The following ANK2 variants were observed in gnomAD, a reference collection of about 807,000 sequenced individuals.
ANK2 encodes the protein ankyrin 2.
Under a neutral mutation model 360.5 loss-of-function variants are expected in ANK2, and 83 were observed. The observed-to-expected ratio is 0.23, with a 90% CI of 0.19 to 0.28. The LOEUF (loss-of-function observed/expected upper bound fraction) is 0.28, where lower values mean the gene tolerates loss of function less well. Among genes scored for constraint, ANK2 ranks in the 10% least tolerant of loss-of-function variants. The pLI is 1.00. For missense variants in ANK2, 4,201 were observed against 4,795.7 expected, an observed-to-expected ratio of 0.88 and a Z score of 3.66; for synonymous variants, 1,740 against 1,759.5, an observed-to-expected ratio of 0.99 and a Z score of 0.28.
intron 10 of ANK2, among the ~76,000 whole-genome samples, chr4:113,251,760 G>A (rs762019975): frequency 2.6e-5 from 4 of 151,862 alleles, no homozygotes; most frequent in Non-Finnish European, 5.9e-5. Context: ...GGGATTACAA[G>A]CATGAGCCAC....
At chr4:113,308,823 T>C (rs2078476138) in intron 23 of ANK2, among the ~76,000 whole-genome samples, 1 of 152,082 alleles carries the variant, frequency 6.6e-6, no homozygotes, top group Admixed American at 6.5e-5. Context: ...ATAGAATCTG[T>C]AACAGAGGAG....
intron 1 of ANK2, among the ~76,000 whole-genome samples, chr4:113,101,191 G>T (rs370970707): frequency 6.6e-6 from 1 of 151,986 alleles, no homozygotes; most frequent in African/African-American, 2.4e-5. Flanking sequence ...ACATTTTTCC[G>T]AATTATAGAG....
intron 2 of ANK2, among the ~76,000 whole-genome samples, chr4:113,008,879 G>A (rs2053797647): frequency 6.6e-6 from 1 of 152,002 alleles, no homozygotes; most frequent in South Asian, 2.1e-4. Context: ...TGTTCATTGG[G>A]GAAAAGGGCT....
intron 4 of ANK2, among the ~76,000 whole-genome samples, chr4:113,228,468 T>C (rs1034941727): frequency 2.6e-5 from 4 of 152,228 alleles, no homozygotes; most frequent in African/African-American, 9.6e-5. Context: ...TCTTCACTTA[T>C]AATAATGGTC....
chr4:112,886,649 G>A (rs1054065969), intron 1 of ANK2, among the ~76,000 whole-genome samples: 4 of 152,104 alleles, frequency 2.6e-5, no homozygotes, highest in Admixed American at 1.3e-4. Flanking sequence ...GCGACAGAGC[G>A]AGACTCTGTC....
chr4:112,916,029 T>C (rs1299415548), intron 2 of ANK2, among the ~76,000 whole-genome samples: 1 of 152,224 alleles, frequency 6.6e-6, no homozygotes, highest in East Asian at 1.9e-4. Flanking sequence ...ATATTATTGA[T>C]ATTTAGATGC....
chr4:112,869,881 A>G (rs999614546), intron 1 of ANK2, among the ~76,000 whole-genome samples: 2 of 151,874 alleles, frequency 1.3e-5, no homozygotes, highest in African/African-American at 2.4e-5. Context: ...CAGGGTTTCA[A>G]CATGTTTGCG....
At chr4:112,998,941 G>A (rs555310616) in intron 2 of ANK2, among the ~76,000 whole-genome samples, 1 of 152,214 alleles carries the variant, frequency 6.6e-6, no homozygotes, top group African/African-American at 2.4e-5. Context: ...ATCAAAATGG[G>A]AGAGATTGGA....
intron 2 of ANK2, among the ~76,000 whole-genome samples, chr4:112,933,396 T>A (rs2093431280): frequency 6.6e-6 from 1 of 152,180 alleles, no homozygotes; most frequent in African/African-American, 2.4e-5. Context: ...TGATGCACAC[T>A]CTGTAGCTTT....
chr4:112,796,249 C>T, the ANK2 span, among the ~76,000 whole-genome samples: 1 of 152,040 alleles, frequency 6.6e-6, no homozygotes. Flanking sequence ...CATGGAGAAA[C>T]TCCATCTCTA....
At chr4:113,372,563 G>A in intron 43 of ANK2, 1 of 1,535,458 alleles carries the variant, frequency 6.5e-7, no homozygotes, top group Non-Finnish European at 8.7e-7. Context: ...GGAGCTGGAG[G>A]CCAGCTCAGA....
At chr4:112,806,225 C>A in the ANK2 span, among the ~76,000 whole-genome samples, 246 of 152,276 alleles carry the variant, frequency 1.6e-3, 1 homozygote, top group African/African-American at 5.8e-3. Context: ...CCCTTCCTAG[C>A]CTCTGGTAAT....
intron 5 of ANK2, among the ~76,000 whole-genome samples, chr4:113,234,060 C>T (rs774274488): frequency 7.2e-5 from 11 of 152,160 alleles, no homozygotes; most frequent in Non-Finnish European, 1.2e-4. Context: ...AAAGCAGAAT[C>T]ATTTACCAGA....
Position 113,357,137 on chromosome 4 carries a change from C to T in ANK2, c.8519C>T (p.Pro2840Leu), listed in dbSNP as rs2095839218. The T allele has an allele frequency of 1.9e-6, 3 of 1,613,942 alleles. No individual in the cohort carries two copies. The South Asian group carries it at 3.3e-5, about 18-fold the overall frequency. ...SRAESPQADC[P>L]SESFSSSSSL... ...GCAGAATCTCCACAAGCAGATTGCC[C>T]CAGTGAAAGCTTTTCATCTTCATCC... Residue 2840 changes from proline (P) to leucine (L), a missense_variant, in exon 38 of 46, where the codon CCC becomes CTC. Transcript: ENST00000357077.
chr4:113,110,340 G>T (rs981895406), intron 1 of ANK2, among the ~76,000 whole-genome samples: 4 of 152,154 alleles, frequency 2.6e-5, no homozygotes, highest in Non-Finnish European at 5.9e-5. Context: ...CCCATGACAC[G>T]TGGGGATTAT....
chr4:112,803,147 T>A, the ANK2 span, among the ~76,000 whole-genome samples: 4 of 152,190 alleles, frequency 2.6e-5, no homozygotes. Context: ...CTCGAGAATA[T>A]CTATCATAGT....
chr4:113,288,561 A>G (rs1462336231), intron 20 of ANK2, 75 bp downstream of exon 20: 5 of 1,243,728 alleles, frequency 4.0e-6, no homozygotes, highest in East Asian at 4.7e-5. Context: ...CTAGTTTACC[A>G]AAGCTACAAG....
intron 1 of ANK2, among the ~76,000 whole-genome samples, chr4:113,129,434 AC>A (rs1229973673): frequency 6.6e-6 from 1 of 152,126 alleles, no homozygotes; most frequent in Non-Finnish European, 1.5e-5. Flanking sequence ...TGGCTATTGA[AC>A]TCCCAGATGT....
intron 2 of ANK2, among the ~76,000 whole-genome samples, chr4:112,906,922 GA>G (rs906909519): frequency 1.4e-4 from 21 of 152,106 alleles, no homozygotes; most frequent in African/African-American, 5.1e-4. Flanking sequence ...AGAAATCAGG[GA>G]TCATCTGTTT....
Sources: allele counts gnomAD v4.1 joint callset (sites outside exome capture counted in the v4.1 genomes callset), GRCh38; gene constraint gnomAD v4.1.1; transcripts MANE v1.5; gene names NCBI Gene and HGNC (gene_info 2026-07-23, HGNC 2026-07-21).